PDE1A: variants seen among roughly 807,000 people sequenced by gnomAD.
PDE1A encodes phosphodiesterase 1A.
In PDE1A, 35 loss-of-function variants were observed where a neutral mutation model predicts 61.7. That is an observed-to-expected ratio of 0.57 (90% confidence interval 0.43 to 0.75). The LOEUF is 0.75. Ranked by LOEUF, PDE1A falls within the 30% of genes least tolerant of loss-of-function variation. The pLI, the probability that PDE1A is intolerant of heterozygous loss-of-function variation, is 0.00. For synonymous variants in PDE1A, 232 were observed against 213.2 expected (o/e 1.09, Z -0.77); for missense variants, 597 against 630.6 (o/e 0.95, Z 0.57).
intron 1 of PDE1A, among the ~76,000 whole-genome samples, chr2:182,351,434 A>C (rs1432965424): frequency 6.6e-6 from 1 of 152,214 alleles, no homozygotes; most frequent in Non-Finnish European, 1.5e-5. Flanking sequence ...TTGTAGGCTG[A>C]TTAGACACAT....
chr2:182,675,930 T>C, the PDE1A span, among the ~76,000 whole-genome samples: 1 of 152,208 alleles, frequency 6.6e-6, no homozygotes. Context: ...ATAATTTCTT[T>C]TGCTGTACAG....
chr2:182,417,086 A>T (rs1574606087), intron 1 of PDE1A, among the ~76,000 whole-genome samples: 2 of 152,158 alleles, frequency 1.3e-5, no homozygotes, highest in South Asian at 4.1e-4. Flanking sequence ...GCCCAAACCA[A>T]ACTGAGCCAC....
At chr2:182,238,761 A>G (rs1226808096) in intron 3 of PDE1A, among the ~76,000 whole-genome samples, 2 of 152,196 alleles carry the variant, frequency 1.3e-5, no homozygotes, top group Non-Finnish European at 2.9e-5. Flanking sequence ...TTATACTTTT[A>G]TAGGCTACTA....
chr2:182,169,471 CAAT>C (rs1390402072), intron 13 of PDE1A, among the ~76,000 whole-genome samples: 9 of 151,794 alleles, frequency 5.9e-5, no homozygotes, highest in South Asian at 2.1e-4. Flanking sequence ...TTGATCACAA[CAAT>C]GAGATATGAC....
intron 4 of PDE1A, 48 bp downstream of exon 4, chr2:182,234,384 T>C: frequency 7.6e-7 from 1 of 1,309,890 alleles, no homozygotes. Flanking sequence ...TTTAAGAGAA[T>C]TTTTTAAAAT....
At chr2:182,624,756 C>T in the PDE1A span, among the ~76,000 whole-genome samples, 4 of 152,182 alleles carry the variant, frequency 2.6e-5, no homozygotes, top group East Asian at 1.9e-4. Context: ...CCACTATGCA[C>T]GTGTCCTAAT....
chr2:182,178,836 G>A (rs3769800), intron 13 of PDE1A, among the ~76,000 whole-genome samples: 31,089 of 151,984 alleles, frequency 0.2, 3,411 homozygotes, highest in East Asian at 0.33. Context: ...GCAAAGATGT[G>A]GGGGCCTGCC....
the PDE1A span, among the ~76,000 whole-genome samples, chr2:182,596,606 G>T: frequency 2.0e-5 from 3 of 152,030 alleles, no homozygotes; most frequent in Admixed American, 2.0e-4. Context: ...AAACAAATAA[G>T]GCTATCAAAG....
At chr2:182,520,485 T>A (rs1290559996) in intron 2 of PDE1A, among the ~76,000 whole-genome samples, 1 of 151,948 alleles carries the variant, frequency 6.6e-6, no homozygotes, top group Non-Finnish European at 1.5e-5. Flanking sequence ...TTTTCATATA[T>A]CCTTCTATCA....
chr2:182,143,365 TAAAAA>T (rs1690319795), downstream of PDE1A, among the ~76,000 whole-genome samples: 1 of 151,886 alleles, frequency 6.6e-6, no homozygotes, highest in Non-Finnish European at 1.5e-5. Context: ...AATAAATAAA[TAAAAA>T]GAAAAGAAAA....
intron 2 of PDE1A, among the ~76,000 whole-genome samples, chr2:182,515,115 A>T (rs1227225996): frequency 1.3e-5 from 2 of 152,200 alleles, no homozygotes. Flanking sequence ...CTAGCATCTT[A>T]TGAGGTAGGT....
At position 182,306,655 on chromosome 2, in the gene PDE1A, G is replaced by A. The variant is rs542373981; in HGVS notation, c.54-42241C>T. Among the ~76,000 whole-genome samples, 35 of 152,124 alleles carry A rather than the reference G, an allele frequency of 2.3e-4. 1 individual carries two copies. The highest frequency in any genetic ancestry group is 6.8e-3 in the Middle Eastern group (2 of 294). On this transcript the variant is annotated intron_variant, in intron 1 of 13. Coordinates refer to ENST00000351439, the Ensembl canonical transcript of PDE1A. ...GGAATAGAAGAAAGAACCAAGAAAT[G>A]AACTCAAACATTTACAGTCAATTGA...
the PDE1A span, among the ~76,000 whole-genome samples, chr2:182,597,586 C>T: frequency 3.3e-5 from 5 of 152,056 alleles, no homozygotes; most frequent in African/African-American, 1.2e-4. Context: ...GTAGAGAGAC[C>T]GTTTCCACAA....
chr2:182,207,556 G>A (rs765952219), intron 7 of PDE1A, among the ~76,000 whole-genome samples: 8 of 152,230 alleles, frequency 5.3e-5, no homozygotes, highest in Non-Finnish European at 1.0e-4. Flanking sequence ...ATATTTAAAA[G>A]AGAAGCAGAG....
the PDE1A span, among the ~76,000 whole-genome samples, chr2:182,551,342 G>A: frequency 1.3e-5 from 2 of 152,150 alleles, no homozygotes; most frequent in African/African-American, 4.8e-5. Flanking sequence ...GGATAATGTT[G>A]GAGAGAGTGA....
chr2:182,716,269 T>G, the PDE1A span: 1 of 152,364 alleles, frequency 6.6e-6, no homozygotes, highest in Non-Finnish European at 1.5e-5. Flanking sequence ...CGGCTCGCCG[T>G]GGAGACCGGC....
the PDE1A span, among the ~76,000 whole-genome samples, chr2:182,561,834 C>T: frequency 2.6e-5 from 4 of 152,098 alleles, no homozygotes; most frequent in Non-Finnish European, 5.9e-5. Flanking sequence ...AATGGGAGTT[C>T]ACTCATGATT....
intron 13 of PDE1A, among the ~76,000 whole-genome samples, chr2:182,160,597 G>T (rs540465209): frequency 3.3e-5 from 5 of 152,190 alleles, no homozygotes; most frequent in Non-Finnish European, 7.4e-5. Context: ...CTCTAAGGCC[G>T]TTAGCCTCAG....
At chr2:182,702,547 T>A in the PDE1A span, among the ~76,000 whole-genome samples, 4 of 152,236 alleles carry the variant, frequency 2.6e-5, no homozygotes, top group Non-Finnish European at 5.9e-5. Context: ...AGCTGGTATG[T>A]GATGCACTTC....
Sources: allele counts gnomAD v4.1 joint callset (sites outside exome capture counted in the v4.1 genomes callset), GRCh38; gene constraint gnomAD v4.1.1; transcripts MANE v1.5; gene names NCBI Gene and HGNC (gene_info 2026-07-23, HGNC 2026-07-21).